PRKACB: variants seen among roughly 807,000 people sequenced by gnomAD.
PRKACB encodes protein kinase cAMP-activated catalytic subunit beta, also known as cAMP-dependent protein kinase catalytic subunit beta.
Under a neutral mutation model 51.4 loss-of-function variants are expected in PRKACB, and 16 were observed. That is an observed-to-expected ratio of 0.31 (90% CI 0.21 to 0.47). PRKACB has a LOEUF of 0.47. PRKACB is among the 20% of genes least tolerant of loss of function. PRKACB has a pLI of 1.00. For missense variants in PRKACB, 309 were observed against 464.5 expected, an observed-to-expected ratio of 0.67 and a Z score of 3.08; for synonymous variants, 147 against 154.4, an observed-to-expected ratio of 0.95 and a Z score of 0.35.
chr1:84,214,007 A>ATG (rs1672513918), intron 8 of PRKACB, 146 bp from the exon 9 acceptor site: 1 of 735,890 alleles, frequency 1.4e-6, no homozygotes, highest in Non-Finnish European at 2.0e-6. Flanking sequence ...GGACTGTAAC[A>ATG]TGTAGTTAAA....
At chr1:84,224,099 G>C (rs893445609) in intron 9 of PRKACB, among the ~76,000 whole-genome samples, 12 of 152,148 alleles carry the variant, frequency 7.9e-5, no homozygotes, top group Non-Finnish European at 1.5e-4. Flanking sequence ...AGCCTCAGTG[G>C]GTGTCTGCGA....
chr1:84,111,190 T>C (rs1170188767), intron 1 of PRKACB, among the ~76,000 whole-genome samples: 3 of 152,070 alleles, frequency 2.0e-5, no homozygotes, highest in African/African-American at 7.2e-5. Flanking sequence ...CTTTATCTTG[T>C]TTCATTTTTT....
chr1:84,226,872 T>G (rs1232341964), intron 9 of PRKACB, among the ~76,000 whole-genome samples: 2 of 152,176 alleles, frequency 1.3e-5, no homozygotes, highest in Non-Finnish European at 2.9e-5. Flanking sequence ...AAATATAAAG[T>G]TGGCCATTTG....
At chr1:84,156,599 T>C (rs1477018754) in intron 1 of PRKACB, among the ~76,000 whole-genome samples, 4 of 152,214 alleles carry the variant, frequency 2.6e-5, no homozygotes, top group Non-Finnish European at 5.9e-5. Flanking sequence ...TTAGCCTTTC[T>C]TTCTTGAAAT....
Position 84,233,010 on chromosome 1 carries a change from G to A in PRKACB, c.1072-2170G>A, listed in dbSNP as rs573335122. Among the ~76,000 whole-genome samples the A allele has an allele frequency of 4.7e-4, 72 of 151,796 alleles. No individual in the cohort carries two copies. In the East Asian group the frequency reaches 6.7e-3, roughly 14 times the overall value. The stretch of plus-strand genomic sequence containing the variant: ...GTTGATGCAGTTTCTTCATAGTCTC[G>A]ATGGTCTTTACATTTTGGCATGATT... On this transcript the variant is annotated intron_variant, in intron 9 of 9. Transcript: ENST00000370685.
intron 1 of PRKACB, among the ~76,000 whole-genome samples, chr1:84,147,102 A>T (rs1025552115): frequency 5.3e-5 from 8 of 152,074 alleles, no homozygotes; most frequent in African/African-American, 1.9e-4. Context: ...TGCTGACTTA[A>T]TGAAGGTCTA....
chr1:84,164,746 G>A, intron 1 of PRKACB: 1 of 1,372,078 alleles, frequency 7.3e-7, no homozygotes, highest in Non-Finnish European at 9.4e-7. Flanking sequence ...TAACTAGCTT[G>A]AAAGAAATTC....
At chr1:84,192,809 A>G (rs546708900) in intron 5 of PRKACB, among the ~76,000 whole-genome samples, 1 of 152,270 alleles carries the variant, frequency 6.6e-6, no homozygotes, top group Non-Finnish European at 1.5e-5. Context: ...TGAACATGTT[A>G]CCAGCTGGAG....
At chr1:84,098,100 C>T (rs974373519) in intron 1 of PRKACB, among the ~76,000 whole-genome samples, 6 of 151,966 alleles carry the variant, frequency 3.9e-5, no homozygotes, top group African/African-American at 9.7e-5. Flanking sequence ...TCATGTTGAA[C>T]ACGTTTTTAT....
In PRKACB at chr1:84,237,021, A is replaced by T. The variant is rs534388713; in HGVS notation, c.*1716A>T. ...ACCCTGGTGAAACCTTTGAAGACAT[A>T]AAAAAAACCTGTCTGAGATGTTCTT... On this transcript the variant is annotated 3_prime_UTR_variant, in exon 10 of 10. Transcript: ENST00000370685. 1.3e-5 allele frequency: 2 copies of T among 152,152 alleles called. No homozygotes were observed. The highest frequency in any genetic ancestry group is 3.9e-4 in the East Asian group (2 of 5,182). 9.4% of individuals were successfully genotyped at this position (152,152 alleles called of 1,614,324 possible).
At position 84,213,601 on chromosome 1, in the gene PRKACB, A is replaced by T. The variant is rs375082965; in HGVS notation, c.907-552A>T. Among the ~76,000 whole-genome samples the T allele has an allele frequency of 2.6e-5, 4 of 152,314 alleles. No homozygotes were observed. In the East Asian group the frequency reaches 7.7e-4, roughly 29 times the overall value. On this transcript the variant is annotated intron_variant, in intron 8 of 9. Coordinates refer to ENST00000370685, the MANE Select transcript of PRKACB (RefSeq NM_182948.4). The stretch of plus-strand genomic sequence containing the variant: ...AATCATTTTTATACTGTTGCATAAT[A>T]GGAGAATTATTTTTAAAAGCCAACT...
intron 1 of PRKACB, among the ~76,000 whole-genome samples, chr1:84,087,124 T>C (rs1411204925): frequency 6.6e-6 from 1 of 152,254 alleles, no homozygotes; most frequent in Non-Finnish European, 1.5e-5. Context: ...TAATGTGCTA[T>C]GTGTAGTTGT....
At chr1:84,136,743 A>G (rs903657551) in intron 1 of PRKACB, among the ~76,000 whole-genome samples, 1 of 152,200 alleles carries the variant, frequency 6.6e-6, no homozygotes, top group African/African-American at 2.4e-5. Context: ...TGCACATTAT[A>G]GCTTCCTTCA....
intron 8 of PRKACB, among the ~76,000 whole-genome samples, chr1:84,203,780 T>C (rs1270282412): frequency 1.3e-5 from 2 of 151,950 alleles, no homozygotes; most frequent in Non-Finnish European, 2.9e-5. Flanking sequence ...GCCTGAGATG[T>C]TATAGAGTTG....
intron 9 of PRKACB, among the ~76,000 whole-genome samples, chr1:84,215,689 A>G (rs1672780841): frequency 6.6e-6 from 1 of 152,180 alleles, no homozygotes; most frequent in South Asian, 2.1e-4. Flanking sequence ...AGTTGCCAGT[A>G]TGACAGTTGT....
chr1:84,105,101 A>G (rs960275699), intron 1 of PRKACB, among the ~76,000 whole-genome samples: 6 of 152,242 alleles, frequency 3.9e-5, no homozygotes, highest in African/African-American at 1.4e-4. Flanking sequence ...AAAATTTCTT[A>G]AATACAATTC....
intron 1 of PRKACB, among the ~76,000 whole-genome samples, chr1:84,119,498 T>A (rs1650886235): frequency 6.6e-6 from 1 of 152,112 alleles, no homozygotes; most frequent in Admixed American, 6.6e-5. Flanking sequence ...ATTCTACAGC[T>A]AACTTAATGC....
intron 1 of PRKACB, among the ~76,000 whole-genome samples, chr1:84,100,188 T>G (rs140818278): frequency 6.6e-6 from 1 of 152,220 alleles, no homozygotes; most frequent in East Asian, 1.9e-4. Context: ...AAGGAAGAAC[T>G]GTCAAACACT....
chr1:84,234,908 C>G (rs930273283), intron 9 of PRKACB, among the ~76,000 whole-genome samples: 7 of 152,190 alleles, frequency 4.6e-5, no homozygotes, highest in African/African-American at 1.7e-4. Flanking sequence ...GTAGACCGTA[C>G]CTGTTCCTAT....
Sources: allele counts gnomAD v4.1 joint callset (sites outside exome capture counted in the v4.1 genomes callset), GRCh38; gene constraint gnomAD v4.1.1; transcripts MANE v1.5; gene names NCBI Gene and HGNC (gene_info 2026-07-23, HGNC 2026-07-21).